Variants in CRISP3 observed in about 807,000 individuals in gnomAD.
CRISP3 encodes the protein cysteine rich secretory protein 3.
A neutral mutation model predicts 36.1 loss-of-function variants in CRISP3; 33 were observed. The observed-to-expected ratio is 0.91, with a 90% CI of 0.69 to 1.22. The LOEUF is 1.22. CRISP3 is among the 50% of genes most tolerant of loss of function. The pLI is 0.00. For synonymous variants in CRISP3, 117 were observed against 104.6 expected, an observed-to-expected ratio of 1.12 and a Z score of -0.72; for missense variants, 330 against 301.2, an observed-to-expected ratio of 1.10 and a Z score of -0.71.
chr6:49,742,923 A>G (rs1394944933), intron 1 of CRISP3, among the ~76,000 whole-genome samples: 1 of 152,224 alleles, frequency 6.6e-6, no homozygotes, highest in Non-Finnish European at 1.5e-5. Context: ...TGTGAGTATA[A>G]TGTGTGCACT....
chr6:49,739,991 C>G (rs1388641648), intron 1 of CRISP3, among the ~76,000 whole-genome samples: 2 of 152,100 alleles, frequency 1.3e-5, no homozygotes, highest in Non-Finnish European at 2.9e-5. Context: ...TAATTTATCT[C>G]AAGTGTGATT....
At chr6:49,735,405 A>G (rs1165618825) in intron 4 of CRISP3, 99 bp downstream of exon 4, 1 of 853,054 alleles carries the variant, frequency 1.2e-6, no homozygotes, top group East Asian at 2.5e-5. Flanking sequence ...TAGCATTAGA[A>G]GCAATATTTA....
chr6:49,742,357 C>T (rs540855287), intron 1 of CRISP3, among the ~76,000 whole-genome samples: 1 of 151,938 alleles, frequency 6.6e-6, no homozygotes, highest in African/African-American at 2.4e-5. Context: ...ATTGCTTGGG[C>T]GCAGTGGCTC....
At chr6:49,738,025 A>T (rs570915999) in intron 1 of CRISP3, among the ~76,000 whole-genome samples, 3 of 152,240 alleles carry the variant, frequency 2.0e-5, no homozygotes, top group East Asian at 3.9e-4. Flanking sequence ...CTTTCCTCTC[A>T]AAACTTTCTT....
At chr6:49,731,316 AG>A in intron 6 of CRISP3, 65 bp from the exon 7 acceptor site, 1 of 922,378 alleles carries the variant, frequency 1.1e-6, no homozygotes, top group Non-Finnish European at 1.7e-6. Flanking sequence ...TTCCAAGGTT[AG>A]TATCAGTCAC....
rs1391336337 is a variant in CRISP3, at chr6:49,733,790, T to C, written c.375A>G (p.Ala125=). ...TGTACTCATCAAACCAGCTTTGGAT[T>C]GCTTGTGACCATGAGCTGGAGGCAC... ...MSSASSSWSQ[A]IQSWFDEYND... Residue 125 remains alanine (A), a synonymous_variant, in exon 5 of 8, where the codon GCA becomes GCG. Coordinates refer to ENST00000263045, the MANE Select transcript of CRISP3 (RefSeq NM_006061.4). 1 of 1,613,904 alleles carries C rather than the reference T, an allele frequency of 6.2e-7. No homozygotes were observed. The highest frequency in any genetic ancestry group is 1.7e-5 in the Admixed American group (1 of 60,018).
intron 5 of CRISP3, 41 bp downstream of exon 5, chr6:49,733,662 G>C: frequency 6.5e-7 from 1 of 1,534,940 alleles, no homozygotes; most frequent in Non-Finnish European, 8.8e-7. Context: ...TTTTTTTTAG[G>C]GCACTTATAA....
chr6:49,744,362 T>G lies in CRISP3; in HGVS notation c.6A>C (p.Lys2Asn). The change falls in exon 1 of 8, where the codon AAA (lysine) becomes AAC (asparagine). Residue 2 changes from lysine (K) to asparagine (N), a missense_variant. By Grantham distance (94) the Lys-to-Asn change is moderately conservative. Coordinates refer to ENST00000263045, the MANE Select transcript of CRISP3 (RefSeq NM_006061.4). MKQILHPALETT... is the reference protein window; with the variant it reads MNQILHPALETT... ...TTTCCAGAGCAGGATGAAGTATTTG[T>G]TTCATCTATTGACAGAAGGAAGGTG... The G allele has an allele frequency of 6.5e-7, 1 of 1,533,350 alleles. No individual in the cohort carries two copies. The highest frequency in any genetic ancestry group is 8.7e-7 in the Non-Finnish European group (1 of 1,145,022). 95.0% of individuals were successfully genotyped at this position (1,533,350 alleles called of 1,614,324 possible).
intron 1 of CRISP3, among the ~76,000 whole-genome samples, chr6:49,743,323 G>T (rs1204778617): frequency 1.3e-5 from 2 of 152,166 alleles, no homozygotes; most frequent in Non-Finnish European, 1.5e-5. Flanking sequence ...CAAATCAGAA[G>T]CCCCAATTTA....
chr6:49,734,807 G>A (rs943644584), intron 4 of CRISP3, among the ~76,000 whole-genome samples: 1 of 151,826 alleles, frequency 6.6e-6, no homozygotes, highest in Non-Finnish European at 1.5e-5. Flanking sequence ...TGTTATTTTT[G>A]ATAATTTAAT....
At chr6:49,740,062 A>G (rs543955220) in intron 1 of CRISP3, among the ~76,000 whole-genome samples, 5 of 152,312 alleles carry the variant, frequency 3.3e-5, no homozygotes, top group South Asian at 2.1e-4. Flanking sequence ...ATGGTTTGCT[A>G]CTAATTCCAG....
At chr6:49,738,293 C>T (rs1312662123) in intron 1 of CRISP3, among the ~76,000 whole-genome samples, 1 of 152,184 alleles carries the variant, frequency 6.6e-6, no homozygotes, top group African/African-American at 2.4e-5. Context: ...AAATTAATTA[C>T]ATGCCTAGCA....
intron 1 of CRISP3, among the ~76,000 whole-genome samples, chr6:49,741,442 CTCA>C (rs1220966276): frequency 6.6e-6 from 1 of 151,972 alleles, no homozygotes; most frequent in Non-Finnish European, 1.5e-5. Flanking sequence ...AAAATATTAA[CTCA>C]TCAATTTCAA....
intron 1 of CRISP3, among the ~76,000 whole-genome samples, chr6:49,740,445 C>CA (rs1416873196): frequency 6.6e-6 from 1 of 150,526 alleles, no homozygotes; most frequent in Non-Finnish European, 1.5e-5. Context: ...TTCTTGCTGC[C>CA]ACCCCAAAAT....
At chr6:49,733,318 A>C (rs768905455) in intron 5 of CRISP3, 26 bp from the exon 6 acceptor site, 5 of 1,393,588 alleles carry the variant, frequency 3.6e-6, no homozygotes, top group Admixed American at 2.0e-5. Context: ...TGAAGATATG[A>C]GAGCACATTA....
intron 1 of CRISP3, among the ~76,000 whole-genome samples, chr6:49,738,821 C>T (rs977594218): frequency 3.9e-5 from 6 of 152,182 alleles, no homozygotes; most frequent in South Asian, 2.1e-4. Context: ...CAAACCATCT[C>T]GTCCCAGCAT....
intron 4 of CRISP3, among the ~76,000 whole-genome samples, chr6:49,735,046 T>C (rs1336741909): frequency 1.3e-5 from 2 of 152,152 alleles, no homozygotes; most frequent in Non-Finnish European, 2.9e-5. Context: ...AGGAACAGTT[T>C]GACAAAATTT....
chr6:49,731,556 G>A (rs1036079831), intron 6 of CRISP3, among the ~76,000 whole-genome samples: 3 of 152,216 alleles, frequency 2.0e-5, no homozygotes, highest in East Asian at 1.9e-4. Flanking sequence ...AACAGACTTC[G>A]TCAAATTGCT....
intron 1 of CRISP3, among the ~76,000 whole-genome samples, chr6:49,738,836 C>T (rs1323596629): frequency 6.6e-6 from 1 of 152,074 alleles, no homozygotes; most frequent in Non-Finnish European, 1.5e-5. Context: ...CAGCATCGCC[C>T]CACAATCACC....
Sources: gnomAD v4.1 joint callset for allele counts (sites outside exome capture counted in the v4.1 genomes callset) on GRCh38, gnomAD v4.1.1 for gene constraint, MANE v1.5 for transcripts, NCBI Gene and HGNC (gene_info 2026-07-23, HGNC 2026-07-21) for gene names.